The following CSPP1 variants were observed in gnomAD, a reference collection of about 807,000 sequenced individuals.
CSPP1 encodes centrosome and spindle pole associated protein 1, also known as centrosome and spindle pole-associated protein 1.
CSPP1 carries 126 observed loss-of-function variants against 164.4 expected under a neutral mutation model. The ratio of observed to expected loss-of-function variants is 0.77; its 90% CI spans 0.66 to 0.89. CSPP1 has a LOEUF of 0.89. CSPP1 is among the 40% of genes least tolerant of loss of function. The pLI is 0.00. For missense variants in CSPP1, 1,395 were observed against 1,449.8 expected (o/e 0.96, Z 0.61); for synonymous variants, 472 against 476.7 (o/e 0.99, Z 0.13).
chr8:67,185,727 CTGAAGATGA>C (rs998390114), intron 28 of CSPP1, among the ~76,000 whole-genome samples: 15 of 152,068 alleles, frequency 9.9e-5, no homozygotes, highest in South Asian at 2.1e-4. Context: ...CTTGCTGCTG[CTGAAGATGA>C]TGAAGATGAT....
intron 29 of CSPP1, among the ~76,000 whole-genome samples, chr8:67,193,042 ATACG>A (rs1836835874): frequency 6.6e-6 from 1 of 152,202 alleles, no homozygotes; most frequent in African/African-American, 2.4e-5. Flanking sequence ...GAGCCATAAT[ATACG>A]TGCTCTATAT....
chr8:67,150,069 C>CTAT (rs1825416343), intron 18 of CSPP1, 134 bp downstream of exon 18: 5 of 879,038 alleles, frequency 5.7e-6, no homozygotes, highest in Non-Finnish European at 6.3e-6. Flanking sequence ...ACATAACACA[C>CTAT]TATTCATAAA....
intron 9 of CSPP1, among the ~76,000 whole-genome samples, chr8:67,108,603 A>C (rs986104331): frequency 6.6e-6 from 1 of 152,034 alleles, no homozygotes; most frequent in Non-Finnish European, 1.5e-5. Context: ...CAAGACCTTC[A>C]TGTCCTTGAC....
chr8:67,069,891 C>G (rs1806358860), intron 1 of CSPP1, among the ~76,000 whole-genome samples: 2 of 151,994 alleles, frequency 1.3e-5, no homozygotes, highest in Admixed American at 1.3e-4. Flanking sequence ...AACTCCTGAC[C>G]TCAGGTGATC....
intron 28 of CSPP1, among the ~76,000 whole-genome samples, chr8:67,186,604 G>A (rs569055493): frequency 1.8e-4 from 27 of 152,108 alleles, no homozygotes; most frequent in Non-Finnish European, 3.4e-4. Flanking sequence ...GAAACTAGAA[G>A]CTTTCCTGCT....
At chr8:67,194,488 A>G (rs1837321059) in intron 30 of CSPP1, among the ~76,000 whole-genome samples, 1 of 152,214 alleles carries the variant, frequency 6.6e-6, no homozygotes, top group Non-Finnish European at 1.5e-5. Flanking sequence ...CTTTCCAGCT[A>G]TAAGGCATTT....
chr8:67,123,513 TC>T (rs759701688), intron 15 of CSPP1, among the ~76,000 whole-genome samples: 6 of 152,162 alleles, frequency 3.9e-5, no homozygotes, highest in Non-Finnish European at 8.8e-5. Context: ...TGCAGTTACT[TC>T]CTGGTTTTTA....
chr8:67,182,456 A>G (rs138136172), intron 28 of CSPP1, among the ~76,000 whole-genome samples: 2 of 152,268 alleles, frequency 1.3e-5, no homozygotes, highest in East Asian at 1.9e-4. Context: ...TAGGTGTACA[A>G]TTATCTGTTG....
At chr8:67,159,904 CTT>C (rs761610470) in intron 21 of CSPP1, among the ~76,000 whole-genome samples, 14 of 66,892 alleles carry the variant, frequency 2.1e-4, no homozygotes, top group South Asian at 5.8e-4. Context: ...TTCTTTCTTT[CTT>C]TCTTTCTTTC....
chr8:67,146,644 A>C (rs909052223), intron 17 of CSPP1, among the ~76,000 whole-genome samples: 18 of 152,190 alleles, frequency 1.2e-4, no homozygotes, highest in African/African-American at 4.3e-4. Context: ...TTGCTGAATA[A>C]TCCTGGGTTT....
At chr8:67,115,443 G>T (rs1047313199) in intron 12 of CSPP1, among the ~76,000 whole-genome samples, 5 of 152,146 alleles carry the variant, frequency 3.3e-5, no homozygotes, top group Admixed American at 2.0e-4. Flanking sequence ...ACTCTGGGAG[G>T]CCGAGGTGGT....
At chr8:67,165,085 C>G (rs934815408) in intron 24 of CSPP1, among the ~76,000 whole-genome samples, 1 of 152,132 alleles carries the variant, frequency 6.6e-6, no homozygotes, top group African/African-American at 2.4e-5. Flanking sequence ...GAGATCGAGA[C>G]CATCCTGTCT....
At chr8:67,127,996 CTT>C (rs979319990) in intron 15 of CSPP1, among the ~76,000 whole-genome samples, 3 of 152,130 alleles carry the variant, frequency 2.0e-5, no homozygotes, top group African/African-American at 7.2e-5. Flanking sequence ...TTTCCATTGA[CTT>C]TATTAATTTA....
intron 1 of CSPP1, among the ~76,000 whole-genome samples, chr8:67,066,700 C>A (rs1805621287): frequency 6.6e-6 from 1 of 152,000 alleles, no homozygotes; most frequent in Admixed American, 6.6e-5. Context: ...ATTATCTTGT[C>A]CAAATTTGAG....
chr8:67,160,007 TTTTCTTTTCTTTTCTTTTC>T (rs1411300600), intron 21 of CSPP1, among the ~76,000 whole-genome samples: 3 of 98,852 alleles, frequency 3.0e-5, no homozygotes, highest in Non-Finnish European at 5.3e-5. Context: ...TTTTCTTTTC[TTTTCTTTTCTTTTCTTTTC>T]TTTTCTTTTT....
At chr8:67,107,624 C>T (rs1815854523) in intron 9 of CSPP1, among the ~76,000 whole-genome samples, 1 of 152,156 alleles carries the variant, frequency 6.6e-6, no homozygotes, top group African/African-American at 2.4e-5. Context: ...CTATAGGAAA[C>T]TTACGATTTC....
At position 67,086,089 on chromosome 8, in the gene CSPP1, T is replaced by G. The variant is rs1476699443; in HGVS notation, c.282T>G (p.Asp94Glu). Reference protein sequence around the residue: ...KHKLKEELRQDYRRYLTQKNF... With the variant: ...KHKLKEELRQEYRRYLTQKNF... ...AATTAAAAGAAGAATTGCGGCAAGA[T>G]TACAGACGTTATCTTACTCAGGTAA... The change falls in exon 4 of 31, where the codon GAT becomes GAG. Residue 94 changes from aspartate (D) to glutamate (E), a missense_variant. Physicochemically the swap from Asp to Glu is conservative, Grantham distance 45. Transcript: ENST00000678616. 1 of 1,433,326 alleles carries G rather than the reference T, an allele frequency of 7.0e-7. No homozygotes were observed. The allele number at this position is 1,433,326 out of a possible 1,614,324, so 88.8% of individuals were successfully genotyped here.
At chr8:67,159,239 T>G (rs1827250678) in intron 21 of CSPP1, 102 bp downstream of exon 21, 3 of 1,049,332 alleles carry the variant, frequency 2.9e-6, no homozygotes, top group Admixed American at 2.3e-5. Flanking sequence ...GAGGAGGTGC[T>G]TTTGTTCCTG....
At chr8:67,090,842 AG>A (rs1811462314) in intron 4 of CSPP1, among the ~76,000 whole-genome samples, 1 of 152,222 alleles carries the variant, frequency 6.6e-6, no homozygotes, top group South Asian at 2.1e-4. Context: ...GGAATTAGGC[AG>A]GTTGACAATT....
Sources: allele counts gnomAD v4.1 joint callset (sites outside exome capture counted in the v4.1 genomes callset), GRCh38; gene constraint gnomAD v4.1.1; transcripts MANE v1.5; gene names NCBI Gene and HGNC (gene_info 2026-07-23, HGNC 2026-07-21).